DPY19L2: variants seen among roughly 807,000 people sequenced by gnomAD.
DPY19L2 encodes the protein dpy-19 like 2, also known as probable C-mannosyltransferase DPY19L2.
DPY19L2 carries 34 observed loss-of-function variants against 97.9 expected under a neutral mutation model. The ratio of observed to expected loss-of-function variants is 0.35; its 90% CI spans 0.26 to 0.46. The LOEUF is 0.46. Ranked by LOEUF, DPY19L2 falls within the 20% of genes least tolerant of loss-of-function variation. DPY19L2 has a pLI of 1.00. For missense variants in DPY19L2, 623 were observed against 911.4 expected (o/e 0.68, Z 4.07); for synonymous variants, 230 against 307.9 (o/e 0.75, Z 2.65).
intron 16 of DPY19L2, chr12:63,584,090 G>C (rs1227146367): frequency 2.5e-6 from 1 of 397,738 alleles, no homozygotes; most frequent in Non-Finnish European, 4.6e-6. Flanking sequence ...AGATTTTACA[G>C]ATCCCTAGAG....
intron 6 of DPY19L2, among the ~76,000 whole-genome samples, chr12:63,629,141 C>T (rs562587455): frequency 6.6e-6 from 1 of 152,228 alleles, no homozygotes; most frequent in East Asian, 1.9e-4. Flanking sequence ...AAACTGGAAA[C>T]TCTAAAAATC....
intron 6 of DPY19L2, among the ~76,000 whole-genome samples, chr12:63,642,826 A>G (rs191526025): frequency 0.03 from 4,496 of 151,992 alleles, 101 homozygotes; most frequent in Middle Eastern, 0.082. Flanking sequence ...AACAAAAAAT[A>G]TGTTGGAATT....
chr12:63,615,017 C>T (rs1181867999), intron 11 of DPY19L2, among the ~76,000 whole-genome samples: 3 of 152,094 alleles, frequency 2.0e-5, no homozygotes, highest in Non-Finnish European at 4.4e-5. Context: ...ACTTGTCATA[C>T]ATGACACAAG....
chr12:63,652,281 G>A (rs1241214748), intron 4 of DPY19L2, among the ~76,000 whole-genome samples: 10 of 152,104 alleles, frequency 6.6e-5, no homozygotes, highest in Non-Finnish European at 1.5e-4. Context: ...GACAGATGCT[G>A]GTGAGGTTGT....
chr12:63,595,641 T>G (rs1034922105), intron 15 of DPY19L2, among the ~76,000 whole-genome samples: 1 of 152,158 alleles, frequency 6.6e-6, no homozygotes, highest in Non-Finnish European at 1.5e-5. Context: ...ATTTGCTTCA[T>G]GTTTGCACCC....
intron 16 of DPY19L2, among the ~76,000 whole-genome samples, chr12:63,587,557 AATTATTATTATTATTATTAT>A (rs1882007847): frequency 1.5e-5 from 2 of 136,242 alleles, no homozygotes; most frequent in Admixed American, 1.5e-4. Flanking sequence ...CATTTTTAAA[AATTATTATTATTATTATTAT>A]TATTATTATT....
chr12:63,629,130 A>G (rs1890120267), intron 6 of DPY19L2, among the ~76,000 whole-genome samples: 1 of 152,192 alleles, frequency 6.6e-6, no homozygotes, highest in Non-Finnish European at 1.5e-5. Flanking sequence ...ACAGAGCAGA[A>G]AAACTGGAAA....
intron 16 of DPY19L2, among the ~76,000 whole-genome samples, chr12:63,589,679 C>A (rs1039610260): frequency 2.0e-5 from 3 of 151,676 alleles, no homozygotes; most frequent in African/African-American, 7.3e-5. Context: ...GTGTTCTAAG[C>A]AACATATGAA....
Position 63,668,167 on chromosome 12 carries a change from G to A in DPY19L2, c.227C>T (p.Thr76Ile). 6.2e-7 allele frequency: 1 copy of A among 1,614,026 alleles called. No individual in the cohort carries two copies. Residue 76 changes from threonine (T) to isoleucine (I), a missense_variant, in exon 1 of 22, where the codon ACC (threonine) becomes ATC (isoleucine). Physicochemically the swap from Thr to Ile is moderately conservative, Grantham distance 89 (BLOSUM62 -1). Coordinates refer to ENST00000324472, the MANE Select transcript of DPY19L2 (RefSeq NM_173812.5). ...KGLELEVVAK[T>I]FLLGPFQFVR... Reference sequence around the variant, plus strand: ...GAACTGGAAGGGGCCGAGAAGAAAGGTCTTGGCCACCACCTCTAGCTCCAA... The same window carrying A: ...GAACTGGAAGGGGCCGAGAAGAAAGATCTTGGCCACCACCTCTAGCTCCAA...
chr12:63,567,818 A>C (rs868200062), intron 21 of DPY19L2, among the ~76,000 whole-genome samples: 2 of 152,058 alleles, frequency 1.3e-5, no homozygotes, highest in Admixed American at 1.3e-4. Flanking sequence ...CAGCACTTTG[A>C]ATAATCATTC....
chr12:63,640,242 C>T (rs995721148), intron 6 of DPY19L2, among the ~76,000 whole-genome samples: 25 of 152,058 alleles, frequency 1.6e-4, no homozygotes, highest in African/African-American at 5.8e-4. Flanking sequence ...AGGAGATATA[C>T]CTAATGTAAA....
intron 11 of DPY19L2, among the ~76,000 whole-genome samples, chr12:63,615,692 T>C (rs1393770206): frequency 6.6e-6 from 1 of 152,136 alleles, no homozygotes; most frequent in East Asian, 1.9e-4. Flanking sequence ...GATGAAACTA[T>C]AAAGGAATGC....
chr12:63,666,575 A>C, intron 1 of DPY19L2: 1 of 407,336 alleles, frequency 2.5e-6, no homozygotes, highest in South Asian at 1.8e-5. Flanking sequence ...CTGGAGAGAG[A>C]AGAGTGGGTA....
chr12:63,560,619 A>G lies in DPY19L2; in HGVS notation c.2170T>C (p.Ser724Pro), dbSNP rs775322832. 6.2e-6 allele frequency: 10 copies of G among 1,614,062 alleles called. No homozygotes were observed. Among genetic ancestry groups the G allele is most frequent in the Non-Finnish European group, 7.6e-6 (9 of 1,179,942 alleles). The change falls in exon 22 of 22, where the codon TCC becomes CCC. Residue 724 changes from serine to proline, a missense_variant. Physicochemically the swap from Ser to Pro is moderately conservative, Grantham distance 74 (BLOSUM62 -1). Around this residue, in one of 6 missense-constraint regions of DPY19L2, gnomAD observed 294 missense variants for 446.2 expected, o/e 0.66. Transcript: ENST00000324472. ...MLEIWDVEDP[S>P]NAANPPLCSV... ...CATAAGGGAGGGTTAGCTGCATTGG[A>G]AGGGTCTTCCACATCCCAGATTTCA...
At position 63,560,525 on chromosome 12, in the gene DPY19L2, A is replaced by G. The variant is rs1276072728; in HGVS notation, c.2264T>C (p.Leu755Ser). 6 of 1,613,598 alleles carry G rather than the reference A, an allele frequency of 3.7e-6. No individual in the cohort carries two copies. In the African/African-American group the frequency reaches 8.0e-5, roughly 22 times the overall value. ...GTAGTATCCTTCTCAGTTAACCTTTAATACTCTGTACACACTATTCTGAAA... is the reference window on the plus strand; with the variant it reads ...GTAGTATCCTTCTCAGTTAACCTTTGATACTCTGTACACACTATTCTGAAA... ...TVFQNSVYRV[L>S]KVN The change falls in exon 22 of 22, where the codon TTA (leucine) becomes TCA (serine). Residue 755 changes from leucine (L) to serine (S), a missense_variant. Around this residue, in one of 6 missense-constraint regions of DPY19L2, gnomAD observed 294 missense variants for 446.2 expected, o/e 0.66. Transcript: ENST00000324472.
At chr12:63,641,442 G>T (rs1282863538) in intron 6 of DPY19L2, among the ~76,000 whole-genome samples, 1 of 151,946 alleles carries the variant, frequency 6.6e-6, no homozygotes, top group Non-Finnish European at 1.5e-5. Context: ...CAGCCTCCAA[G>T]ATAAGAATCA....
chr12:63,636,105 G>GA (rs1555207371), intron 6 of DPY19L2, among the ~76,000 whole-genome samples: 2 of 17,664 alleles, frequency 1.1e-4, no homozygotes, highest in Non-Finnish European at 2.0e-4. Flanking sequence ...CAAGCCAGAA[G>GA]GGGGGGCGGC....
chr12:63,571,272 C>T (rs548810525), intron 19 of DPY19L2, among the ~76,000 whole-genome samples: 14 of 152,214 alleles, frequency 9.2e-5, no homozygotes, highest in Admixed American at 7.8e-4. Context: ...TGGTCTTCCA[C>T]GAAACTAGTC....
At position 63,570,754 on chromosome 12, in the gene DPY19L2, C is replaced by T; in HGVS notation, c.2000+4G>A. The T allele has an allele frequency of 6.2e-7, 1 of 1,608,258 alleles. No homozygotes were observed. The highest frequency in any genetic ancestry group is 8.5e-7 in the Non-Finnish European group (1 of 1,177,938). On this transcript the variant is annotated splice_donor_region_variant and intron_variant, in intron 20 of 21. Coordinates refer to ENST00000324472, the MANE Select transcript of DPY19L2 (RefSeq NM_173812.5). ...TCTTGAAGAAATACTCATCAGCTGC[C>T]AACCTCAAGTCTGCATCTTCGTAAT... is the stretch of plus-strand genomic sequence containing the variant.
Sources: allele counts gnomAD v4.1 joint callset (sites outside exome capture counted in the v4.1 genomes callset), GRCh38; gene constraint gnomAD v4.1.1; regional missense constraint gnomAD v4.1.1; transcripts MANE v1.5; gene names NCBI Gene and HGNC (gene_info 2026-07-23, HGNC 2026-07-21).